The following MIPOL1 variants were observed in gnomAD, a reference collection of about 807,000 sequenced individuals.
MIPOL1 encodes the protein mirror-image polydactyly 1.
A neutral mutation model predicts 60.9 loss-of-function variants in MIPOL1; 57 were observed. The ratio of observed to expected loss-of-function variants is 0.94; its 90% confidence interval spans 0.76 to 1.17. MIPOL1 has a LOEUF of 1.17. Among genes scored for constraint, MIPOL1 ranks in the 50% most tolerant of loss-of-function variants. The probability of loss-of-function intolerance (pLI) is 0.00; values close to 1 mark genes in which losing one functional copy is unlikely to be tolerated. For missense variants in MIPOL1, 551 were observed against 511.6 expected, an observed-to-expected ratio of 1.08 and a Z score of -0.74; for synonymous variants, 179 against 168.8, an observed-to-expected ratio of 1.06 and a Z score of -0.47.
intron 11 of MIPOL1, among the ~76,000 whole-genome samples, chr14:37,433,160 A>C (rs1429299048): frequency 6.6e-6 from 1 of 152,098 alleles, no homozygotes; most frequent in Non-Finnish European, 1.5e-5. Context: ...TCCCATGCTG[A>C]AATGATCCTC....
chr14:37,511,866 A>T (rs950101528), intron 12 of MIPOL1, among the ~76,000 whole-genome samples: 1 of 152,220 alleles, frequency 6.6e-6, no homozygotes, highest in Non-Finnish European at 1.5e-5. Context: ...ATGAAGAGTT[A>T]TATACTGTAA....
chr14:37,529,511 G>A (rs1303230009), intron 12 of MIPOL1, among the ~76,000 whole-genome samples: 1 of 152,066 alleles, frequency 6.6e-6, no homozygotes, highest in Non-Finnish European at 1.5e-5. Flanking sequence ...CTGGTATCTT[G>A]TAATTTGTGT....
At chr14:37,312,287 T>C (rs971150476) in intron 9 of MIPOL1, among the ~76,000 whole-genome samples, 12 of 152,026 alleles carry the variant, frequency 7.9e-5, no homozygotes, top group African/African-American at 2.9e-4. Context: ...TTTTGTACTT[T>C]TTTAGTAGAG....
chr14:37,214,786 C>G (rs1967309469), intron 1 of MIPOL1, among the ~76,000 whole-genome samples: 1 of 152,150 alleles, frequency 6.6e-6, no homozygotes, highest in African/African-American at 2.4e-5. Context: ...ATGCCAGTGT[C>G]TGGAAAGACA....
intron 10 of MIPOL1, among the ~76,000 whole-genome samples, chr14:37,372,833 A>G (rs2092677831): frequency 6.6e-6 from 1 of 152,172 alleles, no homozygotes. Context: ...ATAACAAGTA[A>G]AACACAGTGG....
intron 1 of MIPOL1, among the ~76,000 whole-genome samples, chr14:37,220,771 C>T (rs1452212719): frequency 6.6e-6 from 1 of 152,100 alleles, no homozygotes; most frequent in Non-Finnish European, 1.5e-5. Flanking sequence ...ACCTACATGT[C>T]TCTATTTGTT....
At chr14:37,412,510 A>G (rs2093696149) in intron 10 of MIPOL1, among the ~76,000 whole-genome samples, 1 of 152,126 alleles carries the variant, frequency 6.6e-6, no homozygotes, top group Non-Finnish European at 1.5e-5. Flanking sequence ...AGGAACAAGA[A>G]ACAACATGGG....
intron 11 of MIPOL1, among the ~76,000 whole-genome samples, chr14:37,464,804 T>C (rs1174368240): frequency 6.6e-6 from 1 of 152,210 alleles, no homozygotes; most frequent in African/African-American, 2.4e-5. Flanking sequence ...TTTTCACATA[T>C]AAGCAATTGT....
intron 11 of MIPOL1, among the ~76,000 whole-genome samples, chr14:37,426,770 C>G (rs1322561797): frequency 6.6e-6 from 1 of 151,306 alleles, no homozygotes; most frequent in African/African-American, 2.4e-5. Flanking sequence ...GCACTCAGTT[C>G]TGAGCATGAC....
At chr14:37,505,838 T>C (rs1474215968) in intron 12 of MIPOL1, 1 of 152,200 alleles carries the variant, frequency 6.6e-6, no homozygotes, top group African/African-American at 2.4e-5. Flanking sequence ...TATGACATGA[T>C]TGTATATTTA....
intron 12 of MIPOL1, among the ~76,000 whole-genome samples, chr14:37,520,313 T>C (rs144714904): frequency 3.3e-5 from 5 of 152,240 alleles, no homozygotes; most frequent in African/African-American, 1.2e-4. Context: ...CATTAGAAAA[T>C]TTCATTCAGT....
intron 11 of MIPOL1, among the ~76,000 whole-genome samples, chr14:37,498,917 A>G (rs17106794): frequency 0.055 from 8,335 of 152,240 alleles, 505 homozygotes; most frequent in East Asian, 0.32. Flanking sequence ...GGACAATGCC[A>G]AAGTTCACTA....
chr14:37,512,023 A>G (rs948410754), intron 12 of MIPOL1, among the ~76,000 whole-genome samples: 1 of 152,296 alleles, frequency 6.6e-6, no homozygotes, highest in African/African-American at 2.4e-5. Context: ...AATTTACAGG[A>G]GTTCTGCTCA....
intron 10 of MIPOL1, among the ~76,000 whole-genome samples, chr14:37,372,059 C>A (rs999587992): frequency 6.6e-6 from 1 of 152,034 alleles, no homozygotes; most frequent in Non-Finnish European, 1.5e-5. Flanking sequence ...AGCTTTCAGT[C>A]TGCCAATAAT....
At chr14:37,414,454 C>G (rs11156952) in intron 10 of MIPOL1, among the ~76,000 whole-genome samples, 84,650 of 151,940 alleles carry the variant, frequency 0.56, 25,410 homozygotes, top group Non-Finnish European at 0.67. Flanking sequence ...GCATGTGTAT[C>G]ATGTTTGTCA....
chr14:37,397,564 G>C (rs1413469169), intron 10 of MIPOL1, among the ~76,000 whole-genome samples: 1 of 152,152 alleles, frequency 6.6e-6, no homozygotes, highest in African/African-American at 2.4e-5. Context: ...AAGAGTACAT[G>C]TATGCCCTTT....
At chr14:37,508,089 A>G (rs2153620704) in intron 12 of MIPOL1, among the ~76,000 whole-genome samples, 1 of 152,286 alleles carries the variant, frequency 6.6e-6, no homozygotes. Context: ...ATCCTCTTAA[A>G]GGAAACCAAC....
At chr14:37,334,596 T>C (rs1394254791) in intron 9 of MIPOL1, among the ~76,000 whole-genome samples, 1 of 151,960 alleles carries the variant, frequency 6.6e-6, no homozygotes, top group Non-Finnish European at 1.5e-5. Flanking sequence ...TAGTCACTAC[T>C]ACAATTTTAG....
At chr14:37,304,947 A>T (rs1261960072) in intron 7 of MIPOL1, among the ~76,000 whole-genome samples, 1 of 151,848 alleles carries the variant, frequency 6.6e-6, no homozygotes, top group Non-Finnish European at 1.5e-5. Flanking sequence ...ATGAGATATA[A>T]TTTATAGTTC....
Sources: allele counts gnomAD v4.1 joint callset (sites outside exome capture counted in the v4.1 genomes callset), GRCh38; gene constraint gnomAD v4.1.1; transcripts MANE v1.5; gene names NCBI Gene and HGNC (gene_info 2026-07-23, HGNC 2026-07-21).